Variants in RSPO2 observed in about 807,000 individuals in gnomAD.
RSPO2 encodes the protein R-spondin 2.
A neutral mutation model predicts 30.9 loss-of-function variants in RSPO2; 14 were observed. That is an observed-to-expected ratio of 0.45 (90% CI 0.30 to 0.71). The LOEUF is 0.71. Among genes scored for constraint, RSPO2 ranks in the 30% least tolerant of loss-of-function variants. RSPO2 has a pLI of 0.08. For synonymous variants in RSPO2, 107 were observed against 96.4 expected, an observed-to-expected ratio of 1.11 and a Z score of -0.64; for missense variants, 264 against 301.9, an observed-to-expected ratio of 0.87 and a Z score of 0.93.
chr8:108,080,394 G>A (rs997564098), intron 2 of RSPO2, among the ~76,000 whole-genome samples: 5 of 152,140 alleles, frequency 3.3e-5, no homozygotes, highest in African/African-American at 1.2e-4. Context: ...GTTCTTGAAA[G>A]CATTTGAATT....
intron 5 of RSPO2, among the ~76,000 whole-genome samples, chr8:107,954,212 C>T (rs1196128389): frequency 2.0e-5 from 3 of 152,128 alleles, no homozygotes; most frequent in Non-Finnish European, 2.9e-5. Context: ...GAATAGAAGA[C>T]CACAGCCACC....
Position 108,011,477 on chromosome 8 carries a change from G to T in RSPO2, c.95-22233C>A, listed in dbSNP as rs181549759. On this transcript the variant is annotated intron_variant, in intron 2 of 5. Transcript: ENST00000276659. ...AATGAACTCATATTGCTTTAATAGA[G>T]AACAGAGTGATTTTGCAATAAAAGG... 6.9e-3 allele frequency among the ~76,000 whole-genome samples: 1,058 copies of T among 152,244 alleles called. 7 individuals are homozygous for T. The highest frequency in any genetic ancestry group is 0.025 in the South Asian group (122 of 4,814).
At chr8:107,936,286 T>C (rs1257825560) in intron 5 of RSPO2, among the ~76,000 whole-genome samples, 2 of 152,212 alleles carry the variant, frequency 1.3e-5, no homozygotes, top group Non-Finnish European at 2.9e-5. Context: ...TCATTTTTTA[T>C]AGCCAAATAG....
intron 5 of RSPO2, among the ~76,000 whole-genome samples, chr8:107,904,393 G>T (rs540911980): frequency 1.1e-4 from 16 of 152,016 alleles, no homozygotes; most frequent in African/African-American, 3.6e-4. Context: ...TTTACGAGGG[G>T]ATTGTCAACA....
At chr8:107,987,416 T>C (rs1299348060) in intron 3 of RSPO2, among the ~76,000 whole-genome samples, 2 of 152,194 alleles carry the variant, frequency 1.3e-5, no homozygotes, top group Non-Finnish European at 2.9e-5. Flanking sequence ...CCTTTATCAG[T>C]TGCACTGCAG....
intron 2 of RSPO2, among the ~76,000 whole-genome samples, chr8:108,017,986 C>T (rs1021407428): frequency 6.6e-6 from 1 of 152,196 alleles, no homozygotes; most frequent in African/African-American, 2.4e-5. Flanking sequence ...AATTTGAAGG[C>T]TCAGTCTACA....
intron 3 of RSPO2, among the ~76,000 whole-genome samples, chr8:107,961,874 T>G (rs1166721174): frequency 6.6e-6 from 1 of 152,228 alleles, no homozygotes; most frequent in Non-Finnish European, 1.5e-5. Flanking sequence ...ATTTATAAGC[T>G]TGTATTCTAG....
At chr8:108,067,852 G>C (rs1329050782) in intron 2 of RSPO2, among the ~76,000 whole-genome samples, 3 of 152,298 alleles carry the variant, frequency 2.0e-5, no homozygotes, top group Non-Finnish European at 4.4e-5. Flanking sequence ...ATTTTGGGAG[G>C]CCGAGGCAGG....
In RSPO2 at chr8:108,064,133, T is replaced by C. The variant is rs374996690; in HGVS notation, c.94+18412A>G. Among the ~76,000 whole-genome samples the C allele has an allele frequency of 1.3e-4, 20 of 152,190 alleles. No individual in the cohort carries two copies. The South Asian group carries it at 3.1e-3, about 24-fold the overall frequency. On this transcript the variant is annotated intron_variant, in intron 2 of 5. Transcript: ENST00000276659. ...CATAGGCATGGGCAAGGACTTCATGTCTAAAACACCAAAACCAATGGCAAC... is the reference window on the plus strand; with the variant it reads ...CATAGGCATGGGCAAGGACTTCATGCCTAAAACACCAAAACCAATGGCAAC...
intron 2 of RSPO2, among the ~76,000 whole-genome samples, chr8:108,059,168 C>A (rs983393988): frequency 6.6e-6 from 1 of 151,686 alleles, no homozygotes; most frequent in African/African-American, 2.4e-5. Flanking sequence ...AAATAAACAA[C>A]CCCATCAAAA....
chr8:107,971,272 C>T (rs558106275), intron 3 of RSPO2, among the ~76,000 whole-genome samples: 5 of 152,230 alleles, frequency 3.3e-5, no homozygotes, highest in Admixed American at 6.5e-5. Context: ...CTCTATTAAA[C>T]GGAAAGTCAC....
chr8:108,016,984 T>A (rs932836455), intron 2 of RSPO2, among the ~76,000 whole-genome samples: 1 of 152,008 alleles, frequency 6.6e-6, no homozygotes, highest in Non-Finnish European at 1.5e-5. Flanking sequence ...AAAAAATAAA[T>A]TACCCAGTCT....
intron 2 of RSPO2, among the ~76,000 whole-genome samples, chr8:108,020,811 A>G (rs1811039844): frequency 6.6e-6 from 1 of 152,056 alleles, no homozygotes; most frequent in East Asian, 1.9e-4. Flanking sequence ...CTATAGTATC[A>G]CTCTGAGGCA....
At chr8:108,024,434 G>GT (rs1176091307) in intron 2 of RSPO2, among the ~76,000 whole-genome samples, 2 of 148,292 alleles carry the variant, frequency 1.3e-5, no homozygotes, top group Non-Finnish European at 3.0e-5. Flanking sequence ...ATACTGTTAA[G>GT]TAAAAAAAAA....
At chr8:107,968,334 A>T (rs923630126) in intron 3 of RSPO2, among the ~76,000 whole-genome samples, 1 of 152,176 alleles carries the variant, frequency 6.6e-6, no homozygotes, top group African/African-American at 2.4e-5. Flanking sequence ...TGTTAAGTGA[A>T]ATAAGCCAGG....
intron 5 of RSPO2, among the ~76,000 whole-genome samples, chr8:107,929,477 G>A (rs593872): frequency 0.55 from 83,639 of 151,928 alleles, 24,816 homozygotes; most frequent in East Asian, 0.73. Context: ...TTAAATACAC[G>A]AACTCGCATA....
chr8:107,907,249 G>A (rs1811677454), intron 5 of RSPO2, among the ~76,000 whole-genome samples: 1 of 151,956 alleles, frequency 6.6e-6, no homozygotes, highest in Non-Finnish European at 1.5e-5. Flanking sequence ...AGCACAAAGT[G>A]TTGTCAGTTC....
intron 2 of RSPO2, among the ~76,000 whole-genome samples, chr8:108,065,342 A>T (rs1047277574): frequency 5.3e-5 from 8 of 151,862 alleles, no homozygotes. Context: ...TAGTAAGAAA[A>T]GCACACACCT....
intron 2 of RSPO2, among the ~76,000 whole-genome samples, chr8:108,011,206 G>GAAAGGAAAGGA (rs1243444611): frequency 6.7e-6 from 1 of 148,410 alleles, no homozygotes; most frequent in Non-Finnish European, 1.5e-5. Context: ...AAAGGAAAAG[G>GAAAGGAAAGGA]AAAGGAAAGG....
Sources: gnomAD v4.1 joint callset for allele counts (sites outside exome capture counted in the v4.1 genomes callset) on GRCh38, gnomAD v4.1.1 for gene constraint, MANE v1.5 for transcripts, NCBI Gene and HGNC (gene_info 2026-07-23, HGNC 2026-07-21) for gene names.